CSMD3: variants seen among roughly 807,000 people sequenced by gnomAD.
The protein encoded by CSMD3 is CUB and Sushi multiple domains 3.
In CSMD3, 177 loss-of-function variants were observed where a neutral mutation model predicts 435.2. The ratio of observed to expected loss-of-function variants is 0.41; its 90% CI spans 0.36 to 0.46. CSMD3 has a LOEUF of 0.46. Among genes scored for constraint, CSMD3 ranks in the 20% least tolerant of loss-of-function variants. CSMD3 has a pLI of 0.34. For synonymous variants in CSMD3, 1,656 were observed against 1,520.5 expected, an observed-to-expected ratio of 1.09 and a Z score of -2.07; for missense variants, 4,265 against 4,504.6, an observed-to-expected ratio of 0.95 and a Z score of 1.52.
intron 27 of CSMD3, among the ~76,000 whole-genome samples, chr8:112,518,730 AT>A (rs1823964630): frequency 2.0e-5 from 3 of 151,864 alleles, no homozygotes; most frequent in African/African-American, 7.3e-5. Flanking sequence ...GATATATTGT[AT>A]TAGTCTGTTA....
In CSMD3 at chr8:112,527,238, G is replaced by A. The variant is rs544469219; in HGVS notation, c.4565-10013C>T. Among the ~76,000 whole-genome samples the A allele has an allele frequency of 2.6e-4, 40 of 151,794 alleles. No individual in the cohort carries two copies. The South Asian group carries it at 8.1e-3, about 31-fold the overall frequency. On this transcript the variant is annotated intron_variant, in intron 27 of 70. Transcript: ENST00000297405. The stretch of plus-strand genomic sequence containing the variant: ...AGTCTACTTTAAATATAAAGACACT[G>A]ATAACTTAAAAGTAAAAAGATGCTA...
intron 1 of CSMD3, among the ~76,000 whole-genome samples, chr8:113,369,755 A>G (rs2094335360): frequency 1.3e-5 from 2 of 151,966 alleles, no homozygotes; most frequent in South Asian, 4.1e-4. Context: ...ATCATTTACA[A>G]CAACATAGAT....
At chr8:112,979,708 CAT>C (rs2084978273) in intron 6 of CSMD3, among the ~76,000 whole-genome samples, 1 of 151,234 alleles carries the variant, frequency 6.6e-6, no homozygotes, top group Non-Finnish European at 1.5e-5. Flanking sequence ...TATTACAAGA[CAT>C]AAAACTCAAA....
At chr8:112,928,970 G>C (rs1245679640) in intron 9 of CSMD3, among the ~76,000 whole-genome samples, 1 of 132,078 alleles carries the variant, frequency 7.6e-6, no homozygotes, top group African/African-American at 2.7e-5. Context: ...ACTTTTTAAT[G>C]ATTGCCATTC....
rs116897260 is a variant in CSMD3 at position 113,406,779 on chromosome 8, G to A, written c.178+29898C>T. ...ATTATGATTATTTGAAACAATTGTA[G>A]CTGTCATTTATTAAGAGCTTATATT... On this transcript the variant is annotated intron_variant, in intron 1 of 70. Transcript: ENST00000297405. Among the ~76,000 whole-genome samples, 799 of 152,064 alleles carry A rather than the reference G, an allele frequency of 5.3e-3. 3 individuals carry two copies. The highest frequency in any genetic ancestry group is 9.6e-3 in the Non-Finnish European group (654 of 67,934).
At chr8:112,323,972 C>A (rs1174205088) in intron 45 of CSMD3, among the ~76,000 whole-genome samples, 1 of 152,016 alleles carries the variant, frequency 6.6e-6, no homozygotes, top group Admixed American at 6.6e-5. Flanking sequence ...GAATTTGAAC[C>A]AAGTTCCAAT....
intron 2 of CSMD3, among the ~76,000 whole-genome samples, chr8:113,288,775 C>T (rs948950769): frequency 1.3e-5 from 2 of 151,712 alleles, no homozygotes; most frequent in African/African-American, 4.8e-5. Flanking sequence ...AAAAAAAATT[C>T]ATTCTGCTGC....
intron 13 of CSMD3, among the ~76,000 whole-genome samples, chr8:112,763,464 T>A (rs2077894648): frequency 6.6e-6 from 1 of 150,738 alleles, no homozygotes; most frequent in African/African-American, 2.4e-5. Flanking sequence ...AAAGATTATT[T>A]TAAATTTAAT....
intron 2 of CSMD3, chr8:113,313,044 T>G (rs1280059896): frequency 6.6e-6 from 1 of 152,224 alleles, no homozygotes; most frequent in Non-Finnish European, 1.5e-5. Flanking sequence ...GTCATCTGAC[T>G]GGAAGCAGTT....
At chr8:113,046,216 C>T (rs1052133499) in intron 5 of CSMD3, among the ~76,000 whole-genome samples, 1 of 148,628 alleles carries the variant, frequency 6.7e-6, no homozygotes, top group Non-Finnish European at 1.5e-5. Context: ...ACACGAGGTG[C>T]GACCCCAGGT....
intron 4 of CSMD3, among the ~76,000 whole-genome samples, chr8:113,144,565 TATGTTC>T (rs1564362732): frequency 6.6e-6 from 1 of 151,618 alleles, no homozygotes; most frequent in Non-Finnish European, 1.5e-5. Context: ...TGCCGTTAAT[TATGTTC>T]ATTATCCAAT....
intron 13 of CSMD3, among the ~76,000 whole-genome samples, chr8:112,730,560 G>A (rs568096903): frequency 3.4e-4 from 52 of 152,012 alleles, no homozygotes; most frequent in African/African-American, 1.2e-3. Flanking sequence ...ATTTGTTTGG[G>A]CTTAAAAAAT....
chr8:112,501,491 T>C (rs73328675), intron 30 of CSMD3, among the ~76,000 whole-genome samples: 1 of 151,428 alleles, frequency 6.6e-6, no homozygotes, highest in African/African-American at 2.4e-5. Context: ...AAAATGACAA[T>C]GAGATATCAT....
intron 1 of CSMD3, among the ~76,000 whole-genome samples, chr8:113,359,840 G>A (rs1004024017): frequency 1.3e-5 from 2 of 152,144 alleles, no homozygotes; most frequent in Non-Finnish European, 2.9e-5. Flanking sequence ...GAGATGGTGG[G>A]ATACAACCTA....
At chr8:113,349,203 T>A (rs561090831) in intron 1 of CSMD3, among the ~76,000 whole-genome samples, 1 of 152,230 alleles carries the variant, frequency 6.6e-6, no homozygotes, top group African/African-American at 2.4e-5. Flanking sequence ...ATTTACTCCA[T>A]CTACCAGTTT....
At chr8:113,200,776 T>C (rs1263910949) in intron 3 of CSMD3, among the ~76,000 whole-genome samples, 1 of 151,516 alleles carries the variant, frequency 6.6e-6, no homozygotes, top group East Asian at 2.0e-4. Flanking sequence ...CCTTTTATTT[T>C]TTAATCTCCA....
intron 32 of CSMD3, among the ~76,000 whole-genome samples, chr8:112,444,431 T>C (rs918473515): frequency 6.6e-6 from 1 of 152,176 alleles, no homozygotes; most frequent in African/African-American, 2.4e-5. Context: ...TGTGGTTCAA[T>C]ATAGGCTCAG....
chr8:112,798,358 A>C (rs1207084703), intron 13 of CSMD3, among the ~76,000 whole-genome samples: 1 of 151,790 alleles, frequency 6.6e-6, no homozygotes, highest in Non-Finnish European at 1.5e-5. Flanking sequence ...ATCTCTAGGG[A>C]TAAAAAAACA....
chr8:112,670,393 T>C (rs2131726474), intron 16 of CSMD3, among the ~76,000 whole-genome samples: 1 of 152,300 alleles, frequency 6.6e-6, no homozygotes, highest in African/African-American at 2.4e-5. Context: ...AAAGGATATG[T>C]ATATATACAC....
Sources: gnomAD v4.1 joint callset for allele counts (sites outside exome capture counted in the v4.1 genomes callset) on GRCh38, gnomAD v4.1.1 for gene constraint, MANE v1.5 for transcripts, NCBI Gene and HGNC (gene_info 2026-07-23, HGNC 2026-07-21) for gene names.